Variants in MEGF9 observed in about 807,000 individuals in gnomAD.
MEGF9 encodes multiple epidermal growth factor-like domains protein 9.
A neutral mutation model predicts 46.8 loss-of-function variants in MEGF9; 6 were observed. That is an observed-to-expected ratio of 0.13 (90% confidence interval 0.07 to 0.25). MEGF9 has a LOEUF of 0.25. Among genes scored for constraint, MEGF9 ranks in the 10% least tolerant of loss-of-function variants. MEGF9 has a pLI of 1.00. For synonymous variants in MEGF9, 302 were observed against 330.7 expected, an observed-to-expected ratio of 0.91 and a Z score of 0.94; for missense variants, 683 against 792.4, an observed-to-expected ratio of 0.86 and a Z score of 1.66.
intron 1 of MEGF9, among the ~76,000 whole-genome samples, chr9:120,681,471 G>C (rs1360450955): frequency 6.6e-6 from 1 of 152,062 alleles, no homozygotes; most frequent in African/African-American, 2.4e-5. Flanking sequence ...CACTTTTGTT[G>C]CTGCGAGATG....
At chr9:120,693,403 C>T (rs1406036010) in intron 1 of MEGF9, among the ~76,000 whole-genome samples, 1 of 152,070 alleles carries the variant, frequency 6.6e-6, no homozygotes, top group East Asian at 1.9e-4. Flanking sequence ...TGGCTTTAGT[C>T]CCTGAAGACC....
chr9:120,634,440 G>T (rs2043564495), intron 2 of MEGF9, among the ~76,000 whole-genome samples: 2 of 99,680 alleles, frequency 2.0e-5, no homozygotes, highest in African/African-American at 7.7e-5. Flanking sequence ...CATATGTGTG[G>T]AATATCTTTT....
At chr9:120,693,275 C>CAAAAAAAAAAAAAAAAAAAAAAAAAA (rs10633158) in intron 1 of MEGF9, among the ~76,000 whole-genome samples, 3 of 104,410 alleles carry the variant, frequency 2.9e-5, no homozygotes, top group Non-Finnish European at 5.6e-5. Context: ...TCTGGTTAAC[C>CAAAAAAAAAAAAAAAAAAAAAAAAAA]AAAAAAAAAA....
chr9:120,603,569 A>G lies in MEGF9; in HGVS notation c.*1621T>C, dbSNP rs2043406771. 1 of 152,180 alleles carries G rather than the reference A, an allele frequency of 6.6e-6. No homozygotes were observed. Among genetic ancestry groups the G allele is most frequent in the Non-Finnish European group, 1.5e-5 (1 of 68,034 alleles). The allele number at this position is 152,180 out of a possible 1,614,324, so 9.4% of individuals were successfully genotyped here. A position where few individuals can be genotyped will look rare whatever the true frequency, so the allele number is the denominator to read the frequency against. On this transcript the variant is annotated 3_prime_UTR_variant, in exon 6 of 6. Transcript: ENST00000373930. The stretch of plus-strand genomic sequence containing the variant: ...GCTTGAATTTCCTAGGTCTAATCTA[A>G]TAAGAAGTTTTTATTTTTTTTCTAA...
Position 120,605,243 on chromosome 9 carries a change from C to A in MEGF9, c.1756G>T (p.Ala586Ser). 1 of 1,614,008 alleles carries A rather than the reference C, an allele frequency of 6.2e-7. No homozygotes were observed. Among genetic ancestry groups the A allele is most frequent in the Non-Finnish European group, 8.5e-7 (1 of 1,179,888 alleles). The part of the protein sequence containing the change: ...GLLEDDGNEV[A>S]PNGQLTLTTP... ...GTCAGGGTCAGCTGCCCATTGGGAG[C>A]CACTTCATTGCCATCATCTTCCAAC... The change falls in exon 6 of 6, where the codon GCT becomes TCT. Residue 586 changes from alanine (A) to serine (S), a missense_variant. Ala to Ser is a moderately conservative substitution (Grantham distance 99). This residue lies in a region of MEGF9 where 313 missense variants were observed against 421.1 expected (regional missense o/e 0.74). Coordinates refer to ENST00000373930, the MANE Select transcript of MEGF9 (RefSeq NM_001080497.3). This position sits in a 1 kb window ranked among gnomAD's most constrained non-coding sequence, Gnocchi z 4.0.
At chr9:120,693,227 A>G (rs1389115322) in intron 1 of MEGF9, among the ~76,000 whole-genome samples, 3 of 150,094 alleles carry the variant, frequency 2.0e-5, no homozygotes, top group African/African-American at 2.4e-5. Flanking sequence ...GACCAATTTG[A>G]GCATGGCAAG....
intron 1 of MEGF9, among the ~76,000 whole-genome samples, chr9:120,689,340 G>C (rs573953665): frequency 2.6e-5 from 4 of 152,274 alleles, no homozygotes; most frequent in African/African-American, 7.2e-5. Context: ...ACTGGAAAAA[G>C]TGCATTGTGG....
chr9:120,658,237 T>A (rs1051261967), intron 2 of MEGF9, among the ~76,000 whole-genome samples: 4 of 152,226 alleles, frequency 2.6e-5, no homozygotes, highest in Non-Finnish European at 5.9e-5. Flanking sequence ...TCCACCCGCC[T>A]TGGCCTCCCA....
At chr9:120,647,695 T>C (rs1320956244) in intron 2 of MEGF9, among the ~76,000 whole-genome samples, 1 of 152,234 alleles carries the variant, frequency 6.6e-6, no homozygotes, top group Non-Finnish European at 1.5e-5. Context: ...TATGCTAGAT[T>C]AGATTTTGAG....
At chr9:120,670,455 T>C (rs954712047) in intron 1 of MEGF9, among the ~76,000 whole-genome samples, 1 of 152,224 alleles carries the variant, frequency 6.6e-6, no homozygotes, top group Non-Finnish European at 1.5e-5. Context: ...AGAGCATTGT[T>C]AGAGAAAGTT....
intron 2 of MEGF9, among the ~76,000 whole-genome samples, chr9:120,636,759 G>A (rs1480181662): frequency 4.6e-5 from 7 of 151,668 alleles, no homozygotes; most frequent in Admixed American, 1.3e-4. Context: ...CCGCCCGGCC[G>A]CCCCATCTGA....
chr9:120,713,935 T>C lies in MEGF9; in HGVS notation c.424A>G (p.Arg142Gly). 1 of 1,366,498 alleles carries C rather than the reference T, an allele frequency of 7.3e-7. No homozygotes were observed. Among genetic ancestry groups the C allele is most frequent in the East Asian group, 2.8e-5 (1 of 36,040 alleles). 84.6% of individuals were successfully genotyped at this position (1,366,498 alleles called of 1,614,324 possible). A position where few individuals can be genotyped will look rare whatever the true frequency, so the allele number is the denominator to read the frequency against. ...RTSTTSQAPT[R>G]PAPTTLSTTT... ...GTCGAAAGGGTGGTCGGCGCGGGTC[T>C]GGTCGGCGCCTGAGAGGTGGTCGAA... Residue 142 changes from arginine to glycine, a missense_variant, in exon 1 of 6, where the codon AGA becomes GGA. Coordinates refer to ENST00000373930, the MANE Select transcript of MEGF9 (RefSeq NM_001080497.3).
intron 2 of MEGF9, among the ~76,000 whole-genome samples, chr9:120,627,763 C>T (rs930436379): frequency 1.3e-5 from 2 of 152,056 alleles, no homozygotes; most frequent in African/African-American, 2.4e-5. Context: ...GCGCCCAGCC[C>T]ATAGTTCTAA....
intron 1 of MEGF9, among the ~76,000 whole-genome samples, chr9:120,709,465 T>C (rs1351501415): frequency 6.7e-6 from 1 of 149,216 alleles, no homozygotes; most frequent in African/African-American, 2.5e-5. Flanking sequence ...ACCAAGACAG[T>C]AAGAAAATTT....
chr9:120,645,309 G>C (rs546376911), intron 2 of MEGF9, among the ~76,000 whole-genome samples: 10 of 152,170 alleles, frequency 6.6e-5, no homozygotes, highest in Non-Finnish European at 1.5e-4. Flanking sequence ...TAGAACCTAG[G>C]AGACCTAATT....
At chr9:120,660,993 G>A (rs1365777049) in intron 1 of MEGF9, among the ~76,000 whole-genome samples, 2 of 152,108 alleles carry the variant, frequency 1.3e-5, no homozygotes, top group East Asian at 3.8e-4. Flanking sequence ...CTTAAAAAGA[G>A]AGTTGTAAAG....
chr9:120,634,451 T>TACATAACTTTACTTTCAGTCTGTG (rs1564416859), intron 2 of MEGF9, among the ~76,000 whole-genome samples: 1 of 67,616 alleles, frequency 1.5e-5, no homozygotes, highest in African/African-American at 5.2e-5. Flanking sequence ...AATATCTTTT[T>TACATAACTTTACTTTCAGTCTGTG]TTTTTTTTTT....
At chr9:120,702,404 T>C (rs2043909646) in intron 1 of MEGF9, among the ~76,000 whole-genome samples, 1 of 152,222 alleles carries the variant, frequency 6.6e-6, no homozygotes, top group African/African-American at 2.4e-5. Context: ...TTTTTAAATG[T>C]TATTCATTTA....
Position 120,659,484 on chromosome 9 carries a change from C to A in MEGF9, c.693G>T (p.Gln231His). 6.2e-7 allele frequency: 1 copy of A among 1,613,780 alleles called. No homozygotes were observed. The highest frequency in any genetic ancestry group is 8.5e-7 in the Non-Finnish European group (1 of 1,179,832). The change falls in exon 2 of 6, where the codon CAG becomes CAT. Residue 231 changes from glutamine (Q) to histidine (H), a missense_variant. Around this residue, in one of 2 missense-constraint regions of MEGF9, gnomAD observed 370 missense variants for 371.3 expected, o/e 1.00. Transcript: ENST00000373930. ...CTTTGCAGGTTTCACAGTGAAGCCC[C>A]TGATAACCTGGCCGACACTCACACT... Reference protein sequence around the residue: ...TGQCECRPGYQGLHCETCKEG... With the variant: ...TGQCECRPGYHGLHCETCKEG...
Sources: allele counts gnomAD v4.1 joint callset (sites outside exome capture counted in the v4.1 genomes callset), GRCh38; gene constraint gnomAD v4.1.1; regional missense constraint gnomAD v4.1.1; non-coding constraint Gnocchi (gnomAD v3.1); transcripts MANE v1.5; gene names NCBI Gene and HGNC (gene_info 2026-07-23, HGNC 2026-07-21).